Variants in RTN4 observed in about 807,000 individuals in gnomAD.
RTN4 encodes reticulon-4.
In RTN4, 32 loss-of-function variants were observed where a neutral mutation model predicts 90.4. That is an observed-to-expected ratio of 0.35 (90% CI 0.27 to 0.48). The LOEUF is 0.48. Among genes scored for constraint, RTN4 ranks in the 20% least tolerant of loss-of-function variants. RTN4 has a pLI of 0.99. For missense variants in RTN4, 1,706 were observed against 1,430.2 expected (o/e 1.19, Z -3.11); for synonymous variants, 629 against 552.5 (o/e 1.14, Z -1.94).
chr2:55,113,232 C>T (rs1024650724), upstream of RTN4, among the ~76,000 whole-genome samples: 7 of 152,362 alleles, frequency 4.6e-5, no homozygotes, highest in Non-Finnish European at 7.3e-5. Context: ...CAGTCCAAGG[C>T]TTCCTGGGGT....
chr2:55,012,611 G>A (rs1173782271), intron 3 of RTN4, among the ~76,000 whole-genome samples: 1 of 152,166 alleles, frequency 6.6e-6, no homozygotes, highest in African/African-American at 2.4e-5. Flanking sequence ...ACTAAAAATA[G>A]AAGGCTTTAG....
chr2:55,051,027 T>C (rs1173805398), upstream of RTN4, among the ~76,000 whole-genome samples: 1 of 152,150 alleles, frequency 6.6e-6, no homozygotes, highest in Non-Finnish European at 1.5e-5. Context: ...ATTTTTGAAA[T>C]AAAAGATTAT....
At chr2:55,019,841 T>C (rs1681299928) in intron 3 of RTN4, among the ~76,000 whole-genome samples, 1 of 152,116 alleles carries the variant, frequency 6.6e-6, no homozygotes, top group Non-Finnish European at 1.5e-5. Context: ...TACCAAAAAC[T>C]TGTAAATTCT....
At chr2:55,114,322 G>A (rs953775526), upstream of RTN4, among the ~76,000 whole-genome samples, 2 of 152,176 alleles carry the variant, frequency 1.3e-5, no homozygotes, top group African/African-American at 4.8e-5. Flanking sequence ...AGTCAGCAAA[G>A]GAGAAACTCA....
intron 1 of RTN4, among the ~76,000 whole-genome samples, chr2:55,089,989 A>G (rs1033862419): frequency 1.4e-4 from 21 of 152,348 alleles, no homozygotes; most frequent in Admixed American, 1.2e-3. Flanking sequence ...GGCACGAGGA[A>G]TTGTTAAAGT....
intron 1 of RTN4, among the ~76,000 whole-genome samples, chr2:55,086,890 C>CCTCAA (rs1302220472): frequency 7.3e-5 from 11 of 150,430 alleles, no homozygotes; most frequent in Admixed American, 7.3e-4. Flanking sequence ...AGACTCCTGG[C>CCTCAA]CTCAAGCGAT....
intron 1 of RTN4, chr2:55,080,724 C>T (rs566775408): frequency 6.6e-6 from 1 of 152,312 alleles, no homozygotes; most frequent in East Asian, 1.9e-4. Context: ...TTACAATATT[C>T]TCCCCTTCCT....
rs147067472 is a variant in RTN4, at chr2:55,099,653, G to T, written c.-214+12867C>A. On this transcript the variant is annotated intron_variant, in intron 1 of 3. Transcript: ENST00000427710. ...TTTGAATTTCTCAGACATACTAGTGGCTAAAAGTGCAGGTGCCAGAGGTAG... is the reference window on the plus strand; with the variant it reads ...TTTGAATTTCTCAGACATACTAGTGTCTAAAAGTGCAGGTGCCAGAGGTAG... Among the ~76,000 whole-genome samples the T allele has an allele frequency of 1.6e-3, 236 of 152,166 alleles. 5 individuals are homozygous for T. Among genetic ancestry groups the T allele is most frequent in the African/African-American group, 5.5e-3 (227 of 41,456 alleles).
chr2:55,025,763 A>G lies in RTN4; in HGVS notation c.2336T>C (p.Met779Thr). ...TTTTTCCTTATTTTCATATTCTATC[A>G]TTGACTCAAATGAAGTCTCAGTGAG... ...ESLTETSFES[M>T]IEYENKEKLS... Residue 779 changes from methionine (M) to threonine (T), a missense_variant, in exon 3 of 9, where the codon ATG becomes ACG. Physicochemically the swap from Met to Thr is moderately conservative, Grantham distance 81. Transcript: ENST00000337526. 9.3e-6 allele frequency: 15 copies of G among 1,613,436 alleles called. No individual in the cohort carries two copies. The highest frequency in any genetic ancestry group is 1.3e-5 in the Non-Finnish European group (15 of 1,179,748).
intron 3 of RTN4, among the ~76,000 whole-genome samples, chr2:55,004,523 C>T (rs1680068722): frequency 6.6e-6 from 1 of 152,168 alleles, no homozygotes; most frequent in Non-Finnish European, 1.5e-5. Flanking sequence ...TCTGAATCTA[C>T]AGAAGTTCCT....
chr2:55,065,479 A>G (rs367570926), intron 2 of RTN4, among the ~76,000 whole-genome samples: 3 of 152,336 alleles, frequency 2.0e-5, no homozygotes, highest in East Asian at 3.9e-4. Flanking sequence ...AAAAGTGCTC[A>G]TGGCAGCTTT....
intron 1 of RTN4, among the ~76,000 whole-genome samples, chr2:55,099,665 G>C (rs1667817418): frequency 6.6e-6 from 1 of 152,188 alleles, no homozygotes; most frequent in Admixed American, 6.5e-5. Flanking sequence ...TAAAAGTGCA[G>C]GTGCCAGAGG....
At chr2:55,127,567 C>T in the RTN4 span, among the ~76,000 whole-genome samples, 1 of 152,212 alleles carries the variant, frequency 6.6e-6, no homozygotes, top group East Asian at 1.9e-4. Flanking sequence ...AGAGCACATA[C>T]AACCGACTTT....
At chr2:55,079,513 A>C (rs1668665438) in intron 2 of RTN4, among the ~76,000 whole-genome samples, 1 of 152,262 alleles carries the variant, frequency 6.6e-6, no homozygotes, top group African/African-American at 2.4e-5. Flanking sequence ...GATGAGCTTC[A>C]GCTTATGGTC....
At chr2:54,995,049 G>C (rs1053241505) in intron 3 of RTN4, among the ~76,000 whole-genome samples, 2 of 152,094 alleles carry the variant, frequency 1.3e-5, no homozygotes, top group South Asian at 2.1e-4. Flanking sequence ...GTTTGAGCCT[G>C]GTCAACATGG....
intron 1 of RTN4, among the ~76,000 whole-genome samples, chr2:55,091,853 A>G (rs375803731): frequency 0.89 from 135,703 of 151,808 alleles, 60,874 homozygotes; most frequent in Middle Eastern, 0.97. Flanking sequence ...GAAAAATAAA[A>G]AAGATGCAAA....
chr2:55,020,509 T>C (rs1437804057), intron 3 of RTN4, among the ~76,000 whole-genome samples: 1 of 152,088 alleles, frequency 6.6e-6, no homozygotes, highest in Non-Finnish European at 1.5e-5. Flanking sequence ...AGTATTTACA[T>C]TCCAATAGTA....
chr2:55,099,221 C>A (rs779565025), intron 1 of RTN4, among the ~76,000 whole-genome samples: 1 of 151,972 alleles, frequency 6.6e-6, no homozygotes, highest in Non-Finnish European at 1.5e-5. Flanking sequence ...ATTTATTTAC[C>A]GGTTATCAGT....
At chr2:55,097,401 C>A (rs1424482199) in intron 1 of RTN4, among the ~76,000 whole-genome samples, 1 of 151,868 alleles carries the variant, frequency 6.6e-6, no homozygotes, top group Non-Finnish European at 1.5e-5. Flanking sequence ...TGTAATCAAA[C>A]CCCAGGTACT....
Sources: allele counts gnomAD v4.1 joint callset (sites outside exome capture counted in the v4.1 genomes callset), GRCh38; gene constraint gnomAD v4.1.1; transcripts MANE v1.5; gene names NCBI Gene and HGNC (gene_info 2026-07-23, HGNC 2026-07-21).